AKAP12: variants seen among roughly 807,000 people sequenced by gnomAD.
AKAP12 encodes A-kinase anchoring protein 12.
In AKAP12, 32 loss-of-function variants were observed where a neutral mutation model predicts 79.9. The observed-to-expected ratio is 0.40, with a 90% CI of 0.30 to 0.54. AKAP12 has a LOEUF of 0.54. Ranked by LOEUF, AKAP12 falls within the 20% of genes least tolerant of loss-of-function variation. AKAP12 has a pLI of 0.48. For missense variants in AKAP12, 2,074 were observed against 2,177.0 expected (o/e 0.95, Z 0.94); for synonymous variants, 808 against 857.0 (o/e 0.94, Z 1.00).
At chr6:151,242,304 A>G (rs1394041063) in intron 2 of AKAP12, among the ~76,000 whole-genome samples, 3 of 151,918 alleles carry the variant, frequency 2.0e-5, no homozygotes, top group Non-Finnish European at 4.4e-5. Context: ...TTCCCAGTAA[A>G]CTTGAATTTG....
Position 151,349,095 on chromosome 6 carries a change from C to A in AKAP12, c.704C>A (p.Ser235Tyr), listed in dbSNP as rs774956864. 2 of 1,612,346 alleles carry A rather than the reference C, an allele frequency of 1.2e-6. No homozygotes were observed. The highest frequency in any genetic ancestry group is 1.7e-6 in the Non-Finnish European group (2 of 1,179,648). Reference sequence around the variant, plus strand: ...TCCAAAGAAAGCGAACCCAAACAATCTACAGAGAAACCCGAAGAGACCCTG... The same window carrying A: ...TCCAAAGAAAGCGAACCCAAACAATATACAGAGAAACCCGAAGAGACCCTG... ...AASKESEPKQ[S>Y]TEKPEETLKR... Residue 235 changes from serine to tyrosine, a missense_variant, in exon 4 of 5, where the codon TCT (serine) becomes TAT (tyrosine). This residue lies in a region of AKAP12 where 1,428 missense variants were observed against 1,451.0 expected (regional missense o/e 0.98). Coordinates refer to ENST00000402676, the MANE Select transcript of AKAP12 (RefSeq NM_005100.4).
chr6:151,302,961 T>C (rs1776892883), intron 2 of AKAP12, among the ~76,000 whole-genome samples: 1 of 152,150 alleles, frequency 6.6e-6, no homozygotes, highest in Admixed American at 6.5e-5. Flanking sequence ...TTTGGGAGGC[T>C]GAGGCGGGCG....
At chr6:151,244,510 C>T (rs1002085614) in intron 2 of AKAP12, among the ~76,000 whole-genome samples, 6 of 150,174 alleles carry the variant, frequency 4.0e-5, no homozygotes, top group African/African-American at 1.5e-4. Flanking sequence ...GGCAACAGAG[C>T]GAGACTCTGT....
intron 2 of AKAP12, among the ~76,000 whole-genome samples, chr6:151,248,706 C>T (rs1175681941): frequency 3.3e-5 from 5 of 152,068 alleles, no homozygotes; most frequent in Non-Finnish European, 7.4e-5. Flanking sequence ...AAGTGGGTTG[C>T]TGGCCGGGCA....
At chr6:151,338,121 T>C (rs1010887607) in intron 3 of AKAP12, among the ~76,000 whole-genome samples, 5 of 152,242 alleles carry the variant, frequency 3.3e-5, no homozygotes, top group African/African-American at 1.2e-4. Flanking sequence ...TCTCCAAGAA[T>C]AGGGATATTC....
intron 3 of AKAP12, among the ~76,000 whole-genome samples, chr6:151,343,073 TTTGTTCTGCCTGCTGGCAGC>T (rs1777993944): frequency 6.6e-6 from 1 of 152,138 alleles, no homozygotes; most frequent in Non-Finnish European, 1.5e-5. Flanking sequence ...CAATAGCTGT[TTTGTTCTGCCTGCTGGCAGC>T]TGGTTCACGA....
At chr6:151,324,853 A>AT (rs1311635955) in intron 3 of AKAP12, 1 of 985,474 alleles carries the variant, frequency 1.0e-6, no homozygotes, top group East Asian at 1.1e-4. Context: ...ATGAGAAAGA[A>AT]TTGAAGTATT....
At chr6:151,293,574 A>G (rs983194592) in intron 2 of AKAP12, among the ~76,000 whole-genome samples, 1 of 152,310 alleles carries the variant, frequency 6.6e-6, no homozygotes, top group South Asian at 2.1e-4. Context: ...GATGCAGGTC[A>G]TGACACTGGA....
rs1352769278 is a variant in AKAP12 at position 151,259,507 on chromosome 6, T to C, written c.162+18783T>C. Among the ~76,000 whole-genome samples the C allele has an allele frequency of 7.3e-3, 891 of 122,462 alleles. 7 individuals carry two copies. The highest frequency in any genetic ancestry group is 0.024 in the East Asian group (101 of 4,198). The allele number at this position is 122,462 out of a possible 152,430, so 80.3% of individuals were successfully genotyped here. ...ATACACACACATATACATGTATATA[T>C]ATATACACACACACACACACACACA... is the stretch of plus-strand genomic sequence containing the variant. On this transcript the variant is annotated intron_variant, in intron 2 of 4. Coordinates refer to ENST00000402676, the MANE Select transcript of AKAP12 (RefSeq NM_005100.4).
intron 2 of AKAP12, among the ~76,000 whole-genome samples, chr6:151,304,990 T>C (rs114662127): frequency 0.021 from 3,200 of 152,268 alleles, 120 homozygotes; most frequent in African/African-American, 0.073. Flanking sequence ...ATGGACATGT[T>C]ATATGTGTCT....
At chr6:151,299,775 T>A (rs1238803185) in intron 2 of AKAP12, among the ~76,000 whole-genome samples, 1 of 151,890 alleles carries the variant, frequency 6.6e-6, no homozygotes, top group Non-Finnish European at 1.5e-5. Context: ...TTTTTTGCTA[T>A]TATGAAGTAT....
rs1554319951 is a variant in AKAP12, at chr6:151,259,429, T to TGTATATATATACACACATATATAC, written c.162+18707_162+18708insATATATATACACACATATATACGT. 2.4e-3 allele frequency among the ~76,000 whole-genome samples: 362 copies of TGTATATATATACACACATATATAC among 149,146 alleles called. 8 individuals carry two copies. Among genetic ancestry groups the TGTATATATATACACACATATATAC allele is most frequent in the African/African-American group, 8.5e-3 (342 of 40,348 alleles). On this transcript the variant is annotated intron_variant, in intron 2 of 4. Coordinates refer to ENST00000402676, the MANE Select transcript of AKAP12 (RefSeq NM_005100.4). The stretch of plus-strand genomic sequence containing the variant: ...ATATTTATATATGTATATATATATG[T>TGTATATATATACACACATATATAC]GTGTGTATATATGTGTATATATATA...
At chr6:151,252,110 G>A (rs1192773455) in intron 2 of AKAP12, among the ~76,000 whole-genome samples, 1 of 152,174 alleles carries the variant, frequency 6.6e-6, no homozygotes, top group Non-Finnish European at 1.5e-5. Flanking sequence ...ATAGTGGTCT[G>A]CGTCACAGCA....
intron 2 of AKAP12, among the ~76,000 whole-genome samples, chr6:151,265,573 A>G (rs1263579511): frequency 6.6e-6 from 1 of 152,242 alleles, no homozygotes; most frequent in East Asian, 1.9e-4. Flanking sequence ...AAAACATAAC[A>G]GAAGAAAACC....
intron 2 of AKAP12, among the ~76,000 whole-genome samples, chr6:151,285,215 A>G (rs1373557006): frequency 4.6e-5 from 7 of 152,248 alleles, no homozygotes; most frequent in South Asian, 2.1e-4. Context: ...TTTAGAGGAC[A>G]TAACCTAATT....
chr6:151,265,702 C>A (rs1489922097), intron 2 of AKAP12, among the ~76,000 whole-genome samples: 1 of 152,198 alleles, frequency 6.6e-6, no homozygotes, highest in African/African-American at 2.4e-5. Flanking sequence ...TCTAACAGTA[C>A]ATGCAAAGGT....
intron 3 of AKAP12, among the ~76,000 whole-genome samples, chr6:151,338,835 T>A (rs1244582361): frequency 6.6e-6 from 1 of 152,252 alleles, no homozygotes; most frequent in Non-Finnish European, 1.5e-5. Flanking sequence ...CATCTGTCCC[T>A]TGTAGGCTGA....
chr6:151,326,090 C>T (rs1299852063), intron 3 of AKAP12, among the ~76,000 whole-genome samples: 1 of 152,168 alleles, frequency 6.6e-6, no homozygotes, highest in Non-Finnish European at 1.5e-5. Flanking sequence ...CAGACAACCT[C>T]AGTGTTTCAT....
chr6:151,294,319 C>T (rs1262672990), intron 2 of AKAP12, among the ~76,000 whole-genome samples: 1 of 152,092 alleles, frequency 6.6e-6, no homozygotes, highest in East Asian at 1.9e-4. Flanking sequence ...GGTTCTTAAC[C>T]AGGAATGTTA....
Sources: allele counts gnomAD v4.1 joint callset (sites outside exome capture counted in the v4.1 genomes callset), GRCh38; gene constraint gnomAD v4.1.1; regional missense constraint gnomAD v4.1.1; transcripts MANE v1.5; gene names NCBI Gene and HGNC (gene_info 2026-07-23, HGNC 2026-07-21).